TMEM178B: variants seen among roughly 807,000 people sequenced by gnomAD.
TMEM178B encodes transmembrane protein 178B.
In TMEM178B, 5 loss-of-function variants were observed where a neutral mutation model predicts 31.0. The observed-to-expected ratio is 0.16, with a 90% CI of 0.08 to 0.34. The LOEUF (loss-of-function observed/expected upper bound fraction) is 0.34, where lower values mean the gene tolerates loss of function less well. Among genes scored for constraint, TMEM178B ranks in the 10% least tolerant of loss-of-function variants. The probability of loss-of-function intolerance (pLI) is 1.00; values close to 1 mark genes in which losing one functional copy is unlikely to be tolerated. For synonymous variants in TMEM178B, 164 were observed against 164.0 expected, an observed-to-expected ratio of 1.00 and a Z score of 0.00; for missense variants, 275 against 400.3, an observed-to-expected ratio of 0.69 and a Z score of 2.67.
chr7:141,278,783 T>C (rs868136756), intron 2 of TMEM178B, among the ~76,000 whole-genome samples: 2 of 151,990 alleles, frequency 1.3e-5, no homozygotes, highest in African/African-American at 2.4e-5. Context: ...TTTACTGAGG[T>C]CCGTCTAGTT....
intron 1 of TMEM178B, among the ~76,000 whole-genome samples, chr7:141,175,894 C>A (rs1172002198): frequency 6.6e-6 from 1 of 152,180 alleles, no homozygotes; most frequent in Admixed American, 6.5e-5. Context: ...ACAAACATGT[C>A]ATCTGCAAGC....
chr7:141,347,536 A>G (rs1799641173), intron 2 of TMEM178B, among the ~76,000 whole-genome samples: 2 of 152,130 alleles, frequency 1.3e-5, no homozygotes, highest in South Asian at 4.1e-4. Context: ...TTGTGCAAAA[A>G]TACTTATCTT....
At chr7:141,132,069 T>C (rs1201121957) in intron 1 of TMEM178B, among the ~76,000 whole-genome samples, 2 of 152,242 alleles carry the variant, frequency 1.3e-5, no homozygotes, top group African/African-American at 4.8e-5. Context: ...CCATAGACTT[T>C]GAACCTTTAT....
chr7:141,336,951 CCACCACCA>C (rs1799410715), intron 2 of TMEM178B, among the ~76,000 whole-genome samples: 1 of 121,494 alleles, frequency 8.2e-6, no homozygotes, highest in Non-Finnish European at 1.7e-5. Context: ...ACCATCACCA[CCACCACCA>C]TCACTACCAC....
chr7:141,275,239 G>A (rs556629257), intron 2 of TMEM178B, among the ~76,000 whole-genome samples: 60 of 152,306 alleles, frequency 3.9e-4, no homozygotes, highest in African/African-American at 1.4e-3. Flanking sequence ...CCTATGCCCA[G>A]CACTGTCTTG....
chr7:141,300,614 C>T (rs1798706896), intron 2 of TMEM178B, among the ~76,000 whole-genome samples: 1 of 152,120 alleles, frequency 6.6e-6, no homozygotes, highest in Non-Finnish European at 1.5e-5. Context: ...TTCTCGGATC[C>T]TCCCATCTCT....
At chr7:141,131,085 T>C (rs947204581) in intron 1 of TMEM178B, among the ~76,000 whole-genome samples, 2 of 152,236 alleles carry the variant, frequency 1.3e-5, no homozygotes. Flanking sequence ...TCTGCTTTTT[T>C]ACAGGAGAGC....
At chr7:141,373,641 C>T (rs1299689543) in intron 2 of TMEM178B, among the ~76,000 whole-genome samples, 1 of 152,148 alleles carries the variant, frequency 6.6e-6, no homozygotes, top group Non-Finnish European at 1.5e-5. Flanking sequence ...CTAATACGGC[C>T]ACCCTCCACC....
At chr7:141,407,262 A>C (rs1800900602) in intron 2 of TMEM178B, among the ~76,000 whole-genome samples, 1 of 152,238 alleles carries the variant, frequency 6.6e-6, no homozygotes, top group East Asian at 1.9e-4. Flanking sequence ...TTTCTGACAG[A>C]AGAATCTGAA....
At chr7:141,234,822 G>A (rs541803309) in intron 2 of TMEM178B, among the ~76,000 whole-genome samples, 40 of 152,326 alleles carry the variant, frequency 2.6e-4, no homozygotes, top group Middle Eastern at 3.4e-3. Context: ...GTTCTGTGCC[G>A]TCTATGCAGA....
intron 3 of TMEM178B, among the ~76,000 whole-genome samples, chr7:141,457,150 A>G (rs1801979858): frequency 6.6e-6 from 1 of 152,058 alleles, no homozygotes; most frequent in Admixed American, 6.5e-5. Context: ...CTTCCCCTGG[A>G]GGATTGTTTT....
At chr7:141,391,452 A>G (rs1800539253) in intron 2 of TMEM178B, among the ~76,000 whole-genome samples, 2 of 152,220 alleles carry the variant, frequency 1.3e-5, no homozygotes, top group East Asian at 3.9e-4. Context: ...GAGCCACCAC[A>G]TCCGGCCTCT....
rs780175898 is a variant in TMEM178B at position 141,477,067 on chromosome 7, C to G, written c.*6281C>G. 4.5e-5 allele frequency: 7 copies of G among 155,022 alleles called. No homozygotes were observed. Among genetic ancestry groups the G allele is most frequent in the Non-Finnish European group, 8.8e-5 (6 of 68,420 alleles). The allele number at this position is 155,022 out of a possible 1,614,324, so 9.6% of individuals were successfully genotyped here. On this transcript the variant is annotated 3_prime_UTR_variant, in exon 4 of 4. Coordinates refer to ENST00000565468, the MANE Select transcript of TMEM178B (RefSeq NM_001195278.2). ...TGTATCCCTCTCTCCTCTCCAGAAC[C>G]CCATTCCTCCCACTGGCTGAGCTTT...
At chr7:141,130,474 G>A (rs577366966) in intron 1 of TMEM178B, among the ~76,000 whole-genome samples, 2 of 152,270 alleles carry the variant, frequency 1.3e-5, no homozygotes, top group East Asian at 3.9e-4. Context: ...ATTATATCAT[G>A]AGAGTCATCC....
At chr7:141,109,905 C>G (rs1389682553) in intron 1 of TMEM178B, among the ~76,000 whole-genome samples, 2 of 152,020 alleles carry the variant, frequency 1.3e-5, no homozygotes, top group Admixed American at 1.3e-4. Flanking sequence ...TGTGCCATGG[C>G]ACTCCAGCCT....
chr7:141,323,979 T>A (rs1366791240), intron 2 of TMEM178B, among the ~76,000 whole-genome samples: 2 of 152,086 alleles, frequency 1.3e-5, no homozygotes, highest in East Asian at 1.9e-4. Context: ...TCAAGCAAAT[T>A]GCAGGCAAAG....
At chr7:141,227,687 A>G (rs932139695) in intron 2 of TMEM178B, among the ~76,000 whole-genome samples, 21 of 152,164 alleles carry the variant, frequency 1.4e-4, no homozygotes, top group Non-Finnish European at 2.5e-4. Flanking sequence ...CTGCTCTGAG[A>G]GAATGGGTCT....
At chr7:141,459,594 C>G (rs559911201) in intron 3 of TMEM178B, among the ~76,000 whole-genome samples, 7 of 152,248 alleles carry the variant, frequency 4.6e-5, no homozygotes, top group Non-Finnish European at 8.8e-5. Flanking sequence ...GGGAAGATGT[C>G]TTGGGAGATT....
intron 2 of TMEM178B, among the ~76,000 whole-genome samples, chr7:141,316,649 G>A (rs933745336): frequency 1.3e-5 from 2 of 152,086 alleles, no homozygotes; most frequent in Admixed American, 6.5e-5. Flanking sequence ...AGTATCTATT[G>A]AGTACCTACT....
Sources: allele counts gnomAD v4.1 joint callset (sites outside exome capture counted in the v4.1 genomes callset), GRCh38; gene constraint gnomAD v4.1.1; transcripts MANE v1.5; gene names NCBI Gene and HGNC (gene_info 2026-07-23, HGNC 2026-07-21).